SASH1: variants seen among roughly 807,000 people sequenced by gnomAD.
SASH1 encodes SAM and SH3 domain-containing protein 1.
Under a neutral mutation model 125.2 loss-of-function variants are expected in SASH1, and 44 were observed. The observed-to-expected ratio is 0.35, with a 90% CI of 0.28 to 0.45. The LOEUF is 0.45. SASH1 is among the 20% of genes least tolerant of loss of function. The pLI, the probability that SASH1 is intolerant of heterozygous loss-of-function variation, is 1.00. For missense variants in SASH1, 1,426 were observed against 1,614.5 expected, an observed-to-expected ratio of 0.88 and a Z score of 2.00; for synonymous variants, 639 against 649.1, an observed-to-expected ratio of 0.98 and a Z score of 0.24.
intron 19 of SASH1, 119 bp from the exon 20 acceptor site, chr6:148,548,176 C>T (rs2115472624): frequency 8.9e-6 from 8 of 898,770 alleles, no homozygotes; most frequent in African/African-American, 1.7e-5. Flanking sequence ...ATTGCATTGT[C>T]GCTTTCTGAT....
At chr6:148,267,172 A>G in the SASH1 span, among the ~76,000 whole-genome samples, 1 of 152,206 alleles carries the variant, frequency 6.6e-6, no homozygotes, top group African/African-American at 2.4e-5. Flanking sequence ...AGCACTTTGT[A>G]TGTCTTAATG....
At chr6:148,327,155 G>A (rs1780852282) in intron 1 of SASH1, among the ~76,000 whole-genome samples, 1 of 151,974 alleles carries the variant, frequency 6.6e-6, no homozygotes, top group Non-Finnish European at 1.5e-5. Context: ...TCCTTTACTA[G>A]ACTAAGTGAT....
intron 1 of SASH1, among the ~76,000 whole-genome samples, chr6:148,377,184 CAA>C (rs1205507255): frequency 2.6e-5 from 1 of 38,144 alleles, no homozygotes; most frequent in African/African-American, 1.0e-4. Flanking sequence ...AAAAAAAAAA[CAA>C]AAAAAAAACA....
At chr6:148,520,560 A>G (rs886790259) in intron 10 of SASH1, among the ~76,000 whole-genome samples, 2 of 151,986 alleles carry the variant, frequency 1.3e-5, no homozygotes, top group African/African-American at 4.8e-5. Flanking sequence ...GGCAGCTTTC[A>G]CCTTCTCTTC....
chr6:148,202,868 C>T, the SASH1 span, among the ~76,000 whole-genome samples: 2,032 of 152,026 alleles, frequency 0.013, 49 homozygotes, highest in African/African-American at 0.046. Context: ...GCACAAGAAT[C>T]GCTTGAACCC....
chr6:148,459,574 C>A (rs1777522561), intron 4 of SASH1, among the ~76,000 whole-genome samples: 1 of 152,178 alleles, frequency 6.6e-6, no homozygotes, highest in African/African-American at 2.4e-5. Context: ...GGGATCTGTC[C>A]TTGGCCTGGA....
chr6:148,317,813 T>C (rs949565668), intron 1 of SASH1, among the ~76,000 whole-genome samples: 4 of 152,348 alleles, frequency 2.6e-5, no homozygotes, highest in Admixed American at 6.5e-5. Flanking sequence ...ATATTTGCCA[T>C]AGTGCATTGC....
intron 2 of SASH1, among the ~76,000 whole-genome samples, chr6:148,428,191 T>G (rs537752156): frequency 6.6e-6 from 1 of 152,390 alleles, no homozygotes; most frequent in African/African-American, 2.4e-5. Flanking sequence ...TCTTGTTCCC[T>G]CTGCTATTTG....
At chr6:148,322,157 C>T (rs1400816912) in intron 1 of SASH1, among the ~76,000 whole-genome samples, 2 of 152,048 alleles carry the variant, frequency 1.3e-5, no homozygotes, top group African/African-American at 4.8e-5. Context: ...TCGAGACCAG[C>T]CTGGCCAACA....
chr6:148,302,728 T>C (rs1780003170), intron 1 of SASH1, among the ~76,000 whole-genome samples: 2 of 120,368 alleles, frequency 1.7e-5, no homozygotes, highest in Non-Finnish European at 3.6e-5. Context: ...ATAATTTCTG[T>C]GTTTATGTAT....
chr6:148,209,004 G>A, the SASH1 span, among the ~76,000 whole-genome samples: 53,736 of 151,976 alleles, frequency 0.35, 11,105 homozygotes, highest in African/African-American at 0.58. Flanking sequence ...CACTTATTTA[G>A]TAGGCACAAT....
At chr6:148,333,398 C>T (rs1162490358) in intron 1 of SASH1, among the ~76,000 whole-genome samples, 1 of 151,896 alleles carries the variant, frequency 6.6e-6, no homozygotes, top group East Asian at 1.9e-4. Context: ...CTGAAACAAA[C>T]AAAAAATCAA....
chr6:148,320,382 G>A, intron 1 of SASH1, among the ~76,000 whole-genome samples: 1 of 152,224 alleles, frequency 6.6e-6, no homozygotes. Flanking sequence ...CTTCTGGCTG[G>A]CCTTTGGGCA....
the SASH1 span, among the ~76,000 whole-genome samples, chr6:148,258,243 G>T: frequency 6.6e-6 from 1 of 152,094 alleles, no homozygotes; most frequent in Non-Finnish European, 1.5e-5. Context: ...TGCTCATACC[G>T]TCTTGCTTGT....
chr6:148,256,499 A>T, the SASH1 span, among the ~76,000 whole-genome samples: 52 of 152,332 alleles, frequency 3.4e-4, no homozygotes, highest in Non-Finnish European at 7.1e-4. Context: ...ATGAATGCAC[A>T]TCTGTAGTAC....
intron 4 of SASH1, among the ~76,000 whole-genome samples, chr6:148,450,835 T>TACC (rs1777067277): frequency 6.6e-6 from 1 of 152,148 alleles, no homozygotes; most frequent in Non-Finnish European, 1.5e-5. Context: ...CCCTACCTGA[T>TACC]ACCAGACTCT....
chr6:148,348,273 C>T (rs1433459103), intron 1 of SASH1, among the ~76,000 whole-genome samples: 3 of 152,252 alleles, frequency 2.0e-5, no homozygotes, highest in East Asian at 1.9e-4. Context: ...GGATTACAGG[C>T]GTGAGCCACT....
intron 1 of SASH1, among the ~76,000 whole-genome samples, chr6:148,387,008 G>T (rs1017602979): frequency 2.0e-5 from 3 of 151,096 alleles, no homozygotes; most frequent in Admixed American, 6.7e-5. Flanking sequence ...AACTACCTGG[G>T]TGCTTGCTTG....
Position 148,519,840 on chromosome 6 carries a change from C to A in SASH1, c.1156C>A (p.Arg386Ser). ...AGAAGAAAAGGCCCAGAAAGTGTCC[C>A]GCTCCCTCACCGAGGGGGAGATGAA... ...PEEEKAQKVS[R>S]SLTEGEMKKG... is the part of the protein sequence containing the mutation. The change falls in exon 10 of 20, where the codon CGC becomes AGC. Residue 386 changes from arginine (R) to serine (S), a missense_variant. Physicochemically the swap from Arg to Ser is moderately radical, Grantham distance 110 (BLOSUM62 -1). Transcript: ENST00000367467. This position sits in a 1 kb window ranked among gnomAD's most constrained non-coding sequence, Gnocchi z 4.8. 1 of 1,608,412 alleles carries A rather than the reference C, an allele frequency of 6.2e-7. No individual in the cohort carries two copies.
Sources: gnomAD v4.1 joint callset for allele counts (sites outside exome capture counted in the v4.1 genomes callset) on GRCh38, gnomAD v4.1.1 for gene constraint, Gnocchi (gnomAD v3.1) non-coding constraint, MANE v1.5 for transcripts, NCBI Gene and HGNC (gene_info 2026-07-23, HGNC 2026-07-21) for gene names.